The following B4GALT1 variants were observed in gnomAD, a reference collection of about 807,000 sequenced individuals.
B4GALT1 encodes the protein beta-1,4-galactosyltransferase 1.
In B4GALT1, 16 loss-of-function variants were observed where a neutral mutation model predicts 34.9. That is an observed-to-expected ratio of 0.46 (90% CI 0.31 to 0.70). The LOEUF (loss-of-function observed/expected upper bound fraction) is 0.70, where lower values mean the gene tolerates loss of function less well. Among genes scored for constraint, B4GALT1 ranks in the 30% least tolerant of loss-of-function variants. The pLI is 0.05. For synonymous variants in B4GALT1, 221 were observed against 218.1 expected (o/e 1.01, Z -0.12); for missense variants, 445 against 530.5 (o/e 0.84, Z 1.58).
intron 2 of B4GALT1, among the ~76,000 whole-genome samples, chr9:33,125,352 C>T (rs1423529880): frequency 6.6e-6 from 1 of 152,192 alleles, no homozygotes; most frequent in Non-Finnish European, 1.5e-5. Context: ...CAGCGATGAG[C>T]CAAATCACCG....
intron 1 of B4GALT1, among the ~76,000 whole-genome samples, chr9:33,139,808 C>A (rs1485927015): frequency 2.0e-5 from 3 of 152,266 alleles, no homozygotes; most frequent in Admixed American, 1.3e-4. Context: ...GGCCTCAAGC[C>A]GAGCCAAGGC....
chr9:33,182,509 C>T, the B4GALT1 span, among the ~76,000 whole-genome samples: 1 of 152,192 alleles, frequency 6.6e-6, no homozygotes, highest in African/African-American at 2.4e-5. Flanking sequence ...CCCTGGTATG[C>T]TGTATCAGAC....
intron 1 of B4GALT1, among the ~76,000 whole-genome samples, chr9:33,145,815 C>T (rs1840417331): frequency 6.6e-6 from 1 of 152,214 alleles, no homozygotes. Context: ...GATTCTGTCT[C>T]AGAATCTTTT....
intron 1 of B4GALT1, among the ~76,000 whole-genome samples, chr9:33,154,878 T>C (rs1467800743): frequency 6.6e-6 from 1 of 152,184 alleles, no homozygotes; most frequent in Non-Finnish European, 1.5e-5. Context: ...TAGTGTATTT[T>C]ATATGCGGTC....
intron 4 of B4GALT1, among the ~76,000 whole-genome samples, chr9:33,115,118 C>T (rs1839920553): frequency 6.6e-6 from 1 of 152,210 alleles, no homozygotes; most frequent in Admixed American, 6.5e-5. Context: ...CACTTGATAC[C>T]CCATCTACAT....
At chr9:33,118,517 T>A (rs929196781) in intron 3 of B4GALT1, among the ~76,000 whole-genome samples, 62 of 151,566 alleles carry the variant, frequency 4.1e-4, no homozygotes, top group African/African-American at 1.4e-3. Context: ...TTTTTTTTTT[T>A]AAATCAGCCA....
rs901751832 is a variant in B4GALT1, at chr9:33,113,190, C to T, written c.*264G>A. ...ACCAAATTTTGGGATGTGTACAGTT[C>T]TGACTCTGGGGTGACACTGCGAACA... On this transcript the variant is annotated 3_prime_UTR_variant, in exon 6 of 6. Transcript: ENST00000379731. 1 of 529,170 alleles carries T rather than the reference C, an allele frequency of 1.9e-6. No homozygotes were observed. Among genetic ancestry groups the T allele is most frequent in the Non-Finnish European group, 3.4e-6 (1 of 291,438 alleles). 32.8% of individuals were successfully genotyped at this position (529,170 alleles called of 1,614,324 possible).
At chr9:33,164,371 C>A (rs1340224245) in intron 1 of B4GALT1, among the ~76,000 whole-genome samples, 2 of 152,216 alleles carry the variant, frequency 1.3e-5, no homozygotes, top group Non-Finnish European at 2.9e-5. Flanking sequence ...AGCCAGGAAC[C>A]TCCATTCTGA....
intron 1 of B4GALT1, among the ~76,000 whole-genome samples, chr9:33,143,965 T>A (rs966679315): frequency 2.0e-5 from 3 of 151,528 alleles, no homozygotes; most frequent in Non-Finnish European, 1.5e-5. Flanking sequence ...CTCAAACTGC[T>A]GGGCCCAAGC....
At position 33,150,168 on chromosome 9, in the gene B4GALT1, T is replaced by TGA. The variant is rs760358366; in HGVS notation, c.413-14746_413-14745dup. The stretch of plus-strand genomic sequence containing the variant: ...AGATATATACACACACACATATATA[T>TGA]GAGAGAGAGAGATCTAGATACATCT... On this transcript the variant is annotated intron_variant, in intron 1 of 5. Transcript: ENST00000379731. 4.9e-4 allele frequency among the ~76,000 whole-genome samples: 37 copies of TGA among 75,322 alleles called. No homozygotes were observed. In the East Asian group the frequency reaches 6.7e-3, roughly 14 times the overall value. The allele number at this position is 75,322 out of a possible 152,430, so 49.4% of individuals were successfully genotyped here.
chr9:33,184,252 G>GACA, the B4GALT1 span, among the ~76,000 whole-genome samples: 1 of 42,318 alleles, frequency 2.4e-5, no homozygotes, highest in South Asian at 8.3e-4. Flanking sequence ...AGTCACTCTT[G>GACA]TACACACACA....
At chr9:33,174,391 G>A in the B4GALT1 span, 1 of 152,262 alleles carries the variant, frequency 6.6e-6, no homozygotes, top group Non-Finnish European at 1.5e-5. Flanking sequence ...GCTCACATCT[G>A]TAATCCTAGC....
Position 33,113,278 on chromosome 9 carries a change from G to A in B4GALT1, c.*176C>T, listed in dbSNP as rs1839890079. 3.2e-6 allele frequency: 3 copies of A among 924,228 alleles called. No individual in the cohort carries two copies. The Admixed American group carries it at 6.2e-5, about 19-fold the overall frequency. 57.3% of individuals were successfully genotyped at this position (924,228 alleles called of 1,614,324 possible). A position where few individuals can be genotyped will look rare whatever the true frequency, so the allele number is the denominator to read the frequency against. ...GCTAAGAATTCACATGCCGAGCCAA[G>A]TTGGGGGCAAAATATCCCACTCGTC... On this transcript the variant is annotated 3_prime_UTR_variant, in exon 6 of 6. Coordinates refer to ENST00000379731, the MANE Select transcript of B4GALT1 (RefSeq NM_001497.4).
chr9:33,130,156 G>A, intron 2 of B4GALT1, among the ~76,000 whole-genome samples: 1 of 152,130 alleles, frequency 6.6e-6, no homozygotes, highest in Non-Finnish European at 1.5e-5. Context: ...AACCCACCTG[G>A]CCAGCTGTGC....
At chr9:33,182,209 A>G in the B4GALT1 span, among the ~76,000 whole-genome samples, 1 of 152,044 alleles carries the variant, frequency 6.6e-6, no homozygotes. Flanking sequence ...GCATCATTCT[A>G]TTCTCTGCCC....
intron 1 of B4GALT1, among the ~76,000 whole-genome samples, chr9:33,156,243 C>G (rs1277919451): frequency 6.6e-6 from 1 of 152,044 alleles, no homozygotes; most frequent in African/African-American, 2.4e-5. Flanking sequence ...AAGCCATTCT[C>G]CCACCTCAGC....
chr9:33,107,347 G>A (rs1286226375), downstream of B4GALT1, among the ~76,000 whole-genome samples: 3 of 152,160 alleles, frequency 2.0e-5, no homozygotes, highest in Non-Finnish European at 4.4e-5. Flanking sequence ...AGAAACAAGA[G>A]GGAAGGAGCC....
At chr9:33,138,296 A>G (rs1156556809) in intron 1 of B4GALT1, among the ~76,000 whole-genome samples, 1 of 152,152 alleles carries the variant, frequency 6.6e-6, no homozygotes, top group Non-Finnish European at 1.5e-5. Flanking sequence ...GTATCCTGAG[A>G]GTGGATAGTA....
the B4GALT1 span, among the ~76,000 whole-genome samples, chr9:33,173,016 G>A: frequency 6.6e-6 from 1 of 152,158 alleles, no homozygotes; most frequent in Non-Finnish European, 1.5e-5. Context: ...CCTGAGCATG[G>A]TAGGAAGTCT....
Sources: gnomAD v4.1 joint callset for allele counts (sites outside exome capture counted in the v4.1 genomes callset) on GRCh38, gnomAD v4.1.1 for gene constraint, MANE v1.5 for transcripts, NCBI Gene and HGNC (gene_info 2026-07-23, HGNC 2026-07-21) for gene names.